Variants in ERBB4 observed in about 807,000 individuals in gnomAD.
The protein encoded by ERBB4 is receptor tyrosine-protein kinase erbB-4.
Under a neutral mutation model 158.0 loss-of-function variants are expected in ERBB4, and 42 were observed. The ratio of observed to expected loss-of-function variants is 0.27; its 90% CI spans 0.21 to 0.34. ERBB4 has a LOEUF of 0.34. Ranked by LOEUF, ERBB4 falls within the 10% of genes least tolerant of loss-of-function variation. ERBB4 has a pLI of 1.00. For missense variants in ERBB4, 1,333 were observed against 1,624.1 expected (o/e 0.82, Z 3.08); for synonymous variants, 583 against 558.7 (o/e 1.04, Z -0.61).
At chr2:212,129,944 T>C (rs16847757) in intron 1 of ERBB4, among the ~76,000 whole-genome samples, 4,020 of 152,180 alleles carry the variant, frequency 0.026, 147 homozygotes, top group African/African-American at 0.091. Context: ...ACTTGATTTT[T>C]GAAGAACTGG....
At chr2:212,063,966 G>A (rs900201520) in intron 2 of ERBB4, among the ~76,000 whole-genome samples, 1 of 152,044 alleles carries the variant, frequency 6.6e-6, no homozygotes, top group Non-Finnish European at 1.5e-5. Context: ...GCATTTTACA[G>A]ACATGGTAAC....
intron 9 of ERBB4, among the ~76,000 whole-genome samples, chr2:211,708,431 G>T (rs1173933261): frequency 6.6e-6 from 1 of 151,978 alleles, no homozygotes; most frequent in Non-Finnish European, 1.5e-5. Context: ...GGAAAATTTT[G>T]CCTTTATTTG....
intron 3 of ERBB4, among the ~76,000 whole-genome samples, chr2:211,930,110 TA>T (rs1206227701): frequency 2.0e-5 from 3 of 152,104 alleles, no homozygotes; most frequent in Non-Finnish European, 4.4e-5. Context: ...AGTTATGCTT[TA>T]AAAAATAAAA....
At chr2:211,705,656 C>T (rs2073410696) in intron 9 of ERBB4, among the ~76,000 whole-genome samples, 1 of 152,120 alleles carries the variant, frequency 6.6e-6, no homozygotes. Context: ...TGATGAAATT[C>T]CCAAAGACAG....
chr2:212,424,520 A>T (rs1320377757), intron 1 of ERBB4, among the ~76,000 whole-genome samples: 1 of 152,128 alleles, frequency 6.6e-6, no homozygotes, highest in African/African-American at 2.4e-5. Flanking sequence ...AGGCTATATA[A>T]AAAAGAGAGC....
intron 2 of ERBB4, among the ~76,000 whole-genome samples, chr2:212,099,136 C>A (rs1044740187): frequency 6.9e-6 from 1 of 144,128 alleles, no homozygotes; most frequent in East Asian, 2.1e-4. Flanking sequence ...TGGACAGAGC[C>A]CCTCTCTAAA....
At chr2:211,732,625 T>C (rs2074460728) in intron 5 of ERBB4, among the ~76,000 whole-genome samples, 1 of 152,176 alleles carries the variant, frequency 6.6e-6, no homozygotes, top group Non-Finnish European at 1.5e-5. Context: ...CAAATAGCTG[T>C]ACAGTCGCTA....
intron 3 of ERBB4, among the ~76,000 whole-genome samples, chr2:211,896,345 C>G (rs1366868617): frequency 1.3e-5 from 2 of 152,096 alleles, no homozygotes; most frequent in Non-Finnish European, 2.9e-5. Context: ...TAGGTGTAAG[C>G]AAAACAACTT....
chr2:211,885,723 T>A (rs962901095), intron 3 of ERBB4, among the ~76,000 whole-genome samples: 1 of 152,130 alleles, frequency 6.6e-6, no homozygotes, highest in African/African-American at 2.4e-5. Context: ...GCCTCCCAAA[T>A]GCTGAGATTA....
chr2:211,939,957 GA>G (rs60601231), intron 3 of ERBB4, among the ~76,000 whole-genome samples: 6,988 of 138,406 alleles, frequency 0.05, 197 homozygotes, highest in Admixed American at 0.077. Flanking sequence ...AAAAAAAAAG[GA>G]AAAAAAAAAT....
rs35696520 is a variant in ERBB4, at chr2:211,515,912, A to ATATTTT, written c.2487+45990_2487+45991insAAAATA. 1.6e-3 allele frequency among the ~76,000 whole-genome samples: 124 copies of ATATTTT among 78,972 alleles called. 4 individuals are homozygous for ATATTTT. Among genetic ancestry groups the ATATTTT allele is most frequent in the African/African-American group, 6.7e-3 (118 of 17,562 alleles). The allele number at this position is 78,972 out of a possible 152,430, so 51.8% of individuals were successfully genotyped here. A position where few individuals can be genotyped will look rare whatever the true frequency, so the allele number is the denominator to read the frequency against. On this transcript the variant is annotated intron_variant, in intron 20 of 27. Coordinates refer to ENST00000342788, the MANE Select transcript of ERBB4 (RefSeq NM_005235.3). ...AAACATATATTATATATATATATAT[A>ATATTTT]TTTTTTTTTTTTTTTTTTTTGAGGC...
intron 2 of ERBB4, among the ~76,000 whole-genome samples, chr2:212,080,141 G>A (rs537283852): frequency 7.9e-5 from 12 of 151,554 alleles, no homozygotes; most frequent in South Asian, 6.3e-4. Flanking sequence ...GTGAAACCCC[G>A]TCTCTACTAA....
intron 1 of ERBB4, among the ~76,000 whole-genome samples, chr2:212,278,220 T>C (rs1261294323): frequency 6.6e-6 from 1 of 151,756 alleles, no homozygotes; most frequent in Non-Finnish European, 1.5e-5. Context: ...ACACATAAAA[T>C]ATTGGTAGCT....
intron 20 of ERBB4, among the ~76,000 whole-genome samples, chr2:211,529,023 A>G (rs577054001): frequency 5.9e-5 from 9 of 152,080 alleles, no homozygotes; most frequent in African/African-American, 1.9e-4. Flanking sequence ...GATAAATGAA[A>G]TTGAAACAAG....
chr2:211,786,169 CTTGGTTGAGTGA>C (rs1310273508), intron 4 of ERBB4, among the ~76,000 whole-genome samples: 1 of 152,096 alleles, frequency 6.6e-6, no homozygotes, highest in Non-Finnish European at 1.5e-5. Context: ...AAATTTTTAA[CTTGGTTGAGTGA>C]TTGGTTGGTG....
intron 27 of ERBB4, 143 bp downstream of exon 27, chr2:211,386,710 A>T: frequency 1.4e-6 from 1 of 726,890 alleles, no homozygotes; most frequent in South Asian, 1.5e-5. Context: ...CAGGGACCAT[A>T]CTACAAGTAG....
intron 3 of ERBB4, among the ~76,000 whole-genome samples, chr2:211,915,025 G>C (rs1453113598): frequency 6.6e-6 from 1 of 152,074 alleles, no homozygotes; most frequent in Non-Finnish European, 1.5e-5. Context: ...ATGTGAAAAG[G>C]TTAGGGAGAA....
chr2:212,538,263 A>G (rs537108389), intron 1 of ERBB4, among the ~76,000 whole-genome samples, 186 bp downstream of exon 1: 7 of 152,292 alleles, frequency 4.6e-5, no homozygotes, highest in African/African-American at 1.7e-4. Context: ...ACGATAAATA[A>G]AGCAAACGCA....
chr2:212,040,058 A>C (rs1200085445), intron 2 of ERBB4, among the ~76,000 whole-genome samples: 1 of 151,902 alleles, frequency 6.6e-6, no homozygotes, highest in Non-Finnish European at 1.5e-5. Context: ...AATTTCCAGA[A>C]GCTAAATAAA....
Sources: allele counts gnomAD v4.1 joint callset (sites outside exome capture counted in the v4.1 genomes callset), GRCh38; gene constraint gnomAD v4.1.1; transcripts MANE v1.5; gene names NCBI Gene and HGNC (gene_info 2026-07-23, HGNC 2026-07-21).